Variants in GAB2 observed in about 807,000 individuals in gnomAD.
The protein encoded by GAB2 is GRB2 associated binding protein 2.
A neutral mutation model predicts 65.5 loss-of-function variants in GAB2; 26 were observed. That is an observed-to-expected ratio of 0.40 (90% CI 0.29 to 0.55). The LOEUF is 0.55. GAB2 is among the 20% of genes least tolerant of loss of function. The probability of loss-of-function intolerance (pLI) is 0.53; values close to 1 mark genes in which losing one functional copy is unlikely to be tolerated. For synonymous variants in GAB2, 321 were observed against 329.6 expected, an observed-to-expected ratio of 0.97 and a Z score of 0.28; for missense variants, 884 against 875.8, an observed-to-expected ratio of 1.01 and a Z score of -0.12.
intron 4 of GAB2, 95 bp from the exon 5 acceptor site, chr11:78,225,297 T>C (rs1186444898): frequency 1.3e-6 from 1 of 775,328 alleles, no homozygotes; most frequent in Non-Finnish European, 2.2e-6. Flanking sequence ...GTCTTACTGA[T>C]ACTCCAGAAG....
intron 2 of GAB2, among the ~76,000 whole-genome samples, chr11:78,255,943 C>A (rs1292589182): frequency 6.6e-6 from 1 of 152,236 alleles, no homozygotes; most frequent in Non-Finnish European, 1.5e-5. Flanking sequence ...GTCCCTAGAT[C>A]TGCCTAAAGG....
chr11:78,401,343 C>T (rs142824739), intron 1 of GAB2, among the ~76,000 whole-genome samples: 10 of 152,218 alleles, frequency 6.6e-5, no homozygotes, highest in Admixed American at 4.6e-4. Context: ...CTTTCTGTCT[C>T]TCTGAATTTG....
chr11:78,230,362 A>C (rs1024948092), intron 3 of GAB2, among the ~76,000 whole-genome samples: 4 of 152,210 alleles, frequency 2.6e-5, no homozygotes, highest in African/African-American at 7.2e-5. Context: ...CTGGTCTTGC[A>C]TTACTCACCT....
chr11:78,415,107 A>C (rs1413964923), intron 1 of GAB2, among the ~76,000 whole-genome samples: 2 of 152,194 alleles, frequency 1.3e-5, no homozygotes, highest in Non-Finnish European at 2.9e-5. Flanking sequence ...TCTGACCTCC[A>C]GTGATCCACC....
intron 1 of GAB2, among the ~76,000 whole-genome samples, chr11:78,299,900 A>G (rs1374098389): frequency 6.6e-6 from 1 of 152,190 alleles, no homozygotes; most frequent in Non-Finnish European, 1.5e-5. Flanking sequence ...GAATTAAAAG[A>G]ATGACCCTGG....
At chr11:78,393,812 C>T (rs1856862310) in intron 1 of GAB2, among the ~76,000 whole-genome samples, 6 of 152,208 alleles carry the variant, frequency 3.9e-5, no homozygotes, top group Non-Finnish European at 8.8e-5. Context: ...CTGGCATTAT[C>T]ATATTTAATA....
At position 78,223,463 on chromosome 11, in the gene GAB2, T is replaced by G; in HGVS notation, c.1516A>C (p.Ser506Arg). Residue 506 changes from serine to arginine, a missense_variant, in exon 6 of 10, where the codon AGT (serine) becomes CGT (arginine). By Grantham distance (110) the Ser-to-Arg change is moderately radical. Transcript: ENST00000361507. Reference protein sequence around the residue: ...LPVHRGPSRGSEIQPPPVNRN... With the variant: ...LPVHRGPSRGREIQPPPVNRN... ...TTGACAGGGGGTGGCTGAATCTCACTTCCTCTGCTGGGGCCTCGGTGCACA... is the reference window on the plus strand; with the variant it reads ...TTGACAGGGGGTGGCTGAATCTCACGTCCTCTGCTGGGGCCTCGGTGCACA... The G allele has an allele frequency of 6.3e-7, 1 of 1,591,174 alleles. No individual in the cohort carries two copies. The highest frequency in any genetic ancestry group is 2.3e-5 in the East Asian group (1 of 44,292).
intron 2 of GAB2, among the ~76,000 whole-genome samples, chr11:78,259,825 C>T (rs1409816024): frequency 6.6e-6 from 1 of 152,016 alleles, no homozygotes. Flanking sequence ...AGAAATGAAC[C>T]CTGGAATAAG....
At chr11:78,255,644 G>A (rs1386820730) in intron 2 of GAB2, among the ~76,000 whole-genome samples, 2 of 152,198 alleles carry the variant, frequency 1.3e-5, no homozygotes, top group East Asian at 1.9e-4. Flanking sequence ...GGAGGCAAGA[G>A]CTTCAGCCAA....
intron 1 of GAB2, among the ~76,000 whole-genome samples, chr11:78,401,430 T>G (rs1442659353): frequency 6.6e-6 from 1 of 152,124 alleles, no homozygotes; most frequent in Admixed American, 6.6e-5. Flanking sequence ...TTTAGCATAA[T>G]GTCATCAAGG....
intron 3 of GAB2, chr11:78,231,944 T>G (rs1034184105): frequency 1.2e-4 from 19 of 152,206 alleles, no homozygotes; most frequent in Admixed American, 1.0e-3. Context: ...CCTCTTGCAT[T>G]TGACCCATTC....
At chr11:78,220,566 G>T in intron 8 of GAB2, 122 bp from the exon 9 acceptor site, 1 of 733,482 alleles carries the variant, frequency 1.4e-6, no homozygotes, top group Non-Finnish European at 2.1e-6. Context: ...CATGCACCAT[G>T]CTAAGGACTT....
intron 1 of GAB2, among the ~76,000 whole-genome samples, chr11:78,337,232 G>C (rs1432899511): frequency 6.6e-6 from 1 of 152,208 alleles, no homozygotes. Flanking sequence ...ATTTCAGTTA[G>C]TGGGTTTGAT....
chr11:78,367,828 T>TA (rs1856517137), intron 1 of GAB2, among the ~76,000 whole-genome samples: 1 of 146,934 alleles, frequency 6.8e-6, no homozygotes, highest in Admixed American at 6.8e-5. Context: ...TTTCTTTTTT[T>TA]TTTTTTTTTT....
rs373070543 is a variant in GAB2 at position 78,385,118 on chromosome 11, CA to C, written c.75+32527del. 5.2e-3 allele frequency among the ~76,000 whole-genome samples: 789 copies of C among 152,166 alleles called. 6 individuals carry two copies. Among genetic ancestry groups the C allele is most frequent in the African/African-American group, 0.018 (761 of 41,504 alleles). ...ATACAAACAGCAGGATACAAAGTAT[CA>C]AAAAAGACCAGAATGAAAATTGCCC... is the stretch of plus-strand genomic sequence containing the variant. On this transcript the variant is annotated intron_variant, in intron 1 of 9. Transcript: ENST00000361507.
chr11:78,384,792 C>T (rs138357612), intron 1 of GAB2, among the ~76,000 whole-genome samples: 1 of 152,260 alleles, frequency 6.6e-6, no homozygotes, highest in African/African-American at 2.4e-5. Flanking sequence ...AGAAAGAAAC[C>T]CAGCCTGTAT....
intron 3 of GAB2, among the ~76,000 whole-genome samples, chr11:78,227,715 G>A (rs900663385): frequency 1.3e-5 from 2 of 151,276 alleles, no homozygotes; most frequent in African/African-American, 4.9e-5. Context: ...GAGGAGGATC[G>A]CTTGAACCCA....
chr11:78,248,837 A>AC (rs1377235345), intron 3 of GAB2, among the ~76,000 whole-genome samples: 1 of 152,188 alleles, frequency 6.6e-6, no homozygotes, highest in East Asian at 1.9e-4. Flanking sequence ...TTTTCATTAT[A>AC]CCACACTGCC....
chr11:78,264,641 C>CAG (rs1203223505), intron 2 of GAB2, among the ~76,000 whole-genome samples: 4 of 151,792 alleles, frequency 2.6e-5, no homozygotes, highest in Non-Finnish European at 5.9e-5. Flanking sequence ...TCCTGACCCT[C>CAG]AGGTGGTTTA....
Sources: allele counts gnomAD v4.1 joint callset (sites outside exome capture counted in the v4.1 genomes callset), GRCh38; gene constraint gnomAD v4.1.1; transcripts MANE v1.5; gene names NCBI Gene and HGNC (gene_info 2026-07-23, HGNC 2026-07-21).